The following DAB1 variants were observed in gnomAD, a reference collection of about 807,000 sequenced individuals.
The protein encoded by DAB1 is DAB adaptor protein 1, also known as disabled homolog 1.
DAB1 carries 15 observed loss-of-function variants against 64.6 expected under a neutral mutation model. That is an observed-to-expected ratio of 0.23 (90% confidence interval 0.16 to 0.36). DAB1 has a LOEUF of 0.36. Among genes scored for constraint, DAB1 ranks in the 10% least tolerant of loss-of-function variants. DAB1 has a pLI of 1.00. For missense variants in DAB1, 596 were observed against 706.7 expected (o/e 0.84, Z 1.78); for synonymous variants, 235 against 251.9 (o/e 0.93, Z 0.64).
At chr1:57,860,450 T>G (rs926404795) in intron 1 of DAB1, 57 of 152,172 alleles carry the variant, frequency 3.7e-4, no homozygotes, top group African/African-American at 1.4e-3. Context: ...GCTTTTAGTC[T>G]CCATTGTGTC....
intron 1 of DAB1, among the ~76,000 whole-genome samples, chr1:57,859,173 C>T (rs1370436087): frequency 1.3e-5 from 2 of 152,084 alleles, no homozygotes; most frequent in Non-Finnish European, 2.9e-5. Context: ...TATTTCCTAA[C>T]CTAGACCCCA....
intron 1 of DAB1, among the ~76,000 whole-genome samples, chr1:57,829,582 A>T (rs2101902843): frequency 6.6e-6 from 1 of 152,334 alleles, no homozygotes; most frequent in East Asian, 1.9e-4. Context: ...CATCCAAGAA[A>T]CATTTATTGA....
At chr1:57,319,813 C>A (rs947910356) in intron 1 of DAB1, among the ~76,000 whole-genome samples, 3 of 151,936 alleles carry the variant, frequency 2.0e-5, no homozygotes, top group South Asian at 2.1e-4. Context: ...AAAAAAATAA[C>A]CTCGATCAAA....
At chr1:58,181,400 T>C (rs1164494929) in intron 4 of DAB1, among the ~76,000 whole-genome samples, 1 of 152,146 alleles carries the variant, frequency 6.6e-6, no homozygotes, top group African/African-American at 2.4e-5. Context: ...AGTCTGACAA[T>C]CTGCTTTTTG....
At chr1:57,978,120 C>T (rs1645967812) in intron 5 of DAB1, among the ~76,000 whole-genome samples, 1 of 152,126 alleles carries the variant, frequency 6.6e-6, no homozygotes, top group Non-Finnish European at 1.5e-5. Flanking sequence ...AAATCCTGGG[C>T]AGGAAGAACA....
intron 4 of DAB1, among the ~76,000 whole-genome samples, chr1:58,156,041 C>G (rs1271835960): frequency 6.6e-6 from 1 of 152,178 alleles, no homozygotes; most frequent in Non-Finnish European, 1.5e-5. Flanking sequence ...AAGTGCAAGT[C>G]TTTTTGTTTC....
intron 4 of DAB1, among the ~76,000 whole-genome samples, chr1:58,250,714 T>C (rs2100404632): frequency 6.6e-6 from 1 of 152,302 alleles, no homozygotes; most frequent in South Asian, 2.1e-4. Flanking sequence ...ACGGTCACAG[T>C]GAGGTCTACA....
At chr1:57,908,234 C>G in intron 5 of DAB1, among the ~76,000 whole-genome samples, 1 of 152,116 alleles carries the variant, frequency 6.6e-6, no homozygotes, top group East Asian at 1.9e-4. Context: ...TTTGAGTCCC[C>G]TGCTCTGATG....
chr1:57,758,476 T>C (rs1648920996), intron 6 of DAB1, among the ~76,000 whole-genome samples: 1 of 152,234 alleles, frequency 6.6e-6, no homozygotes, highest in African/African-American at 2.4e-5. Context: ...TGATTGTTTT[T>C]ATTTTACCAT....
chr1:58,035,738 G>A (rs552745730), intron 5 of DAB1, among the ~76,000 whole-genome samples: 14 of 152,314 alleles, frequency 9.2e-5, no homozygotes, highest in Admixed American at 4.6e-4. Context: ...TACAATCAAA[G>A]GCAGCATCAG....
At chr1:57,260,283 C>T (rs933289414) in intron 2 of DAB1, among the ~76,000 whole-genome samples, 4 of 152,152 alleles carry the variant, frequency 2.6e-5, no homozygotes, top group African/African-American at 9.7e-5. Context: ...CCTAATACTA[C>T]GAGTGGGTAA....
At chr1:57,002,846 G>T (rs1050971175) in intron 14 of DAB1, among the ~76,000 whole-genome samples, 1 of 152,102 alleles carries the variant, frequency 6.6e-6, no homozygotes, top group Non-Finnish European at 1.5e-5. Flanking sequence ...AACGTCTTTG[G>T]GTGCCAGTTT....
intron 7 of DAB1, among the ~76,000 whole-genome samples, chr1:57,500,602 G>T (rs1644279518): frequency 1.3e-5 from 2 of 152,158 alleles, no homozygotes; most frequent in Non-Finnish European, 2.9e-5. Context: ...AATCACAAGG[G>T]ATTTGTTTGG....
intron 5 of DAB1, among the ~76,000 whole-genome samples, chr1:57,991,867 A>AAAAAAGG (rs1646347102): frequency 6.6e-6 from 1 of 150,926 alleles, no homozygotes; most frequent in African/African-American, 2.4e-5. Context: ...AAAAAAAAAA[A>AAAAAAGG]AAGGAGTAGG....
At chr1:58,393,607 T>A (rs540753186) in intron 3 of DAB1, among the ~76,000 whole-genome samples, 33 of 152,274 alleles carry the variant, frequency 2.2e-4, no homozygotes, top group Non-Finnish European at 7.4e-5. Flanking sequence ...ATATTCATCA[T>A]GAAGAACTTA....
chr1:57,415,972 T>C (rs545020613), intron 1 of DAB1, among the ~76,000 whole-genome samples: 7 of 152,280 alleles, frequency 4.6e-5, no homozygotes, highest in Middle Eastern at 6.8e-3. Flanking sequence ...AAAGCAAGGA[T>C]AGAAAACCCT....
intron 2 of DAB1, among the ~76,000 whole-genome samples, chr1:57,240,140 A>G (rs564310149): frequency 1.3e-4 from 20 of 152,328 alleles, no homozygotes; most frequent in Admixed American, 1.3e-3. Context: ...GGAACAATAT[A>G]TTACTATTTG....
intron 7 of DAB1, among the ~76,000 whole-genome samples, chr1:57,522,636 G>A (rs376392681): frequency 1.1e-4 from 16 of 152,272 alleles, no homozygotes; most frequent in African/African-American, 3.9e-4. Context: ...GACTTGTGAT[G>A]GTTAACATTG....
chr1:57,130,408 C>T (rs186152571), intron 4 of DAB1, among the ~76,000 whole-genome samples: 2 of 152,126 alleles, frequency 1.3e-5, no homozygotes, highest in East Asian at 1.9e-4. Context: ...CCCACTACTG[C>T]GTACATATCC....
Sources: gnomAD v4.1 joint callset for allele counts (sites outside exome capture counted in the v4.1 genomes callset) on GRCh38, gnomAD v4.1.1 for gene constraint, MANE v1.5 for transcripts, NCBI Gene and HGNC (gene_info 2026-07-23, HGNC 2026-07-21) for gene names.